Variants in MRTFA observed in about 807,000 individuals in gnomAD.
MRTFA encodes the protein myocardin related transcription factor A.
MRTFA carries 20 observed loss-of-function variants against 83.5 expected under a neutral mutation model. That is an observed-to-expected ratio of 0.24 (90% CI 0.17 to 0.35). MRTFA has a LOEUF of 0.35. MRTFA is among the 10% of genes least tolerant of loss of function. MRTFA has a pLI of 1.00. For synonymous variants in MRTFA, 659 were observed against 541.2 expected, an observed-to-expected ratio of 1.22 and a Z score of -3.02; for missense variants, 1,200 against 1,224.7, an observed-to-expected ratio of 0.98 and a Z score of 0.30.
chr22:40,482,145 C>T (rs1460004344), intron 3 of MRTFA, among the ~76,000 whole-genome samples: 1 of 151,900 alleles, frequency 6.6e-6, no homozygotes, highest in African/African-American at 2.4e-5. Context: ...ACTACGGTGA[C>T]TCATTTCATC....
intron 1 of MRTFA, among the ~76,000 whole-genome samples, chr22:40,596,842 G>T (rs1266007192): frequency 1.3e-5 from 2 of 151,812 alleles, no homozygotes; most frequent in Non-Finnish European, 2.9e-5. Flanking sequence ...CGGAGTGGTG[G>T]TACACACCTG....
chr22:40,585,473 A>T (rs1021789203), intron 2 of MRTFA, among the ~76,000 whole-genome samples: 1 of 152,176 alleles, frequency 6.6e-6, no homozygotes, highest in Non-Finnish European at 1.5e-5. Flanking sequence ...AGCTGAAAAG[A>T]GTTCTGGAGA....
chr22:40,444,989 C>T (rs2053348907), intron 4 of MRTFA, among the ~76,000 whole-genome samples: 1 of 152,160 alleles, frequency 6.6e-6, no homozygotes, highest in Non-Finnish European at 1.5e-5. Context: ...ATCGCCTGAG[C>T]TGGGGAGGTC....
chr22:40,437,782 G>A (rs899297376), intron 4 of MRTFA, among the ~76,000 whole-genome samples: 5 of 149,108 alleles, frequency 3.4e-5, no homozygotes, highest in African/African-American at 7.4e-5. Flanking sequence ...AAAAAAAGGC[G>A]GAATACTACA....
At chr22:40,495,925 G>A (rs1182852898) in intron 3 of MRTFA, among the ~76,000 whole-genome samples, 1 of 151,740 alleles carries the variant, frequency 6.6e-6, no homozygotes, top group African/African-American at 2.4e-5. Context: ...AGTTAGCCGG[G>A]TGTGGTGGCA....
At chr22:40,506,066 T>C (rs1186149130) in intron 3 of MRTFA, among the ~76,000 whole-genome samples, 1 of 152,034 alleles carries the variant, frequency 6.6e-6, no homozygotes, top group Non-Finnish European at 1.5e-5. Flanking sequence ...ACCCTGTCTC[T>C]ACTAAAAATA....
rs961359974 is a variant in MRTFA at position 40,423,805 on chromosome 22, A to G, written c.778-120T>C. On this transcript the variant is annotated intron_variant, in intron 8 of 14. Transcript: ENST00000355630. ...TTGTCAGAGGGCAAATGGTGGGCAGAGACCGGAGGAGGAGAAGAGCAACCC... is the reference window on the plus strand; with the variant it reads ...TTGTCAGAGGGCAAATGGTGGGCAGGGACCGGAGGAGGAGAAGAGCAACCC... The G allele has an allele frequency of 2.1e-5, 20 of 945,984 alleles. No homozygotes were observed. In the African/African-American group the frequency reaches 2.9e-4, roughly 14 times the overall value. 58.6% of individuals were successfully genotyped at this position (945,984 alleles called of 1,614,324 possible). A position where few individuals can be genotyped will look rare whatever the true frequency, so the allele number is the denominator to read the frequency against.
chr22:40,580,027 AGTG>A (rs1170255061), intron 2 of MRTFA, among the ~76,000 whole-genome samples: 1 of 152,212 alleles, frequency 6.6e-6, no homozygotes, highest in African/African-American at 2.4e-5. Context: ...AATATGGACA[AGTG>A]GTGATTTTAT....
At chr22:40,530,145 G>C (rs190473608) in intron 3 of MRTFA, among the ~76,000 whole-genome samples, 3 of 152,160 alleles carry the variant, frequency 2.0e-5, no homozygotes, top group African/African-American at 7.2e-5. Flanking sequence ...ATACACCTTA[G>C]GGCCTGTCTA....
chr22:40,591,276 C>CA (rs554015800), intron 2 of MRTFA, among the ~76,000 whole-genome samples: 1,544 of 83,142 alleles, frequency 0.019, 20 homozygotes, highest in African/African-American at 0.045. Context: ...GACTCCGTCT[C>CA]AAAAAAAAAA....
At chr22:40,613,517 T>G (rs919851406) in intron 1 of MRTFA, among the ~76,000 whole-genome samples, 20 of 152,328 alleles carry the variant, frequency 1.3e-4, no homozygotes, top group African/African-American at 4.1e-4. Context: ...TTTTTAAACT[T>G]TAGCCATTCT....
At chr22:40,615,691 T>C (rs923636779) in intron 1 of MRTFA, among the ~76,000 whole-genome samples, 2 of 151,636 alleles carry the variant, frequency 1.3e-5, no homozygotes, top group Non-Finnish European at 2.9e-5. Flanking sequence ...CTTTTCTTTT[T>C]TTTTTTTTTC....
At chr22:40,625,088 T>G (rs1364676093) in intron 1 of MRTFA, among the ~76,000 whole-genome samples, 1 of 152,210 alleles carries the variant, frequency 6.6e-6, no homozygotes, top group Non-Finnish European at 1.5e-5. Context: ...ATTATGTTCT[T>G]GGTTCCCTGT....
At chr22:40,633,910 G>C (rs917511569) in intron 1 of MRTFA, among the ~76,000 whole-genome samples, 1 of 152,100 alleles carries the variant, frequency 6.6e-6, no homozygotes, top group African/African-American at 2.4e-5. Context: ...TTAAGTCAGA[G>C]ATTCAAGTCC....
rs761413351 is a variant in MRTFA, at chr22:40,411,920, C to T, written c.2579-13G>A. 6.8e-7 allele frequency: 1 copy of T among 1,478,688 alleles called. No homozygotes were observed. Among genetic ancestry groups the T allele is most frequent in the Non-Finnish European group, 9.0e-7 (1 of 1,113,136 alleles). The allele number at this position is 1,478,688 out of a possible 1,614,324, so 91.6% of individuals were successfully genotyped here. A position where few individuals can be genotyped will look rare whatever the true frequency, so the allele number is the denominator to read the frequency against. ...TCTGCTGAAATTTCTGCCAATCAAT[C>T]AAGAGAGTAAATGGATATCAGAAGC... On this transcript the variant is annotated splice_polypyrimidine_tract_variant and intron_variant, in intron 14 of 14. Transcript: ENST00000355630.
At chr22:40,455,539 AG>A (rs2053568061) in intron 4 of MRTFA, among the ~76,000 whole-genome samples, 1 of 151,670 alleles carries the variant, frequency 6.6e-6, no homozygotes. Flanking sequence ...CCAGCTACTC[AG>A]GAGGCCGAGG....
intron 2 of MRTFA, among the ~76,000 whole-genome samples, chr22:40,568,004 A>G (rs2147339773): frequency 6.6e-6 from 1 of 152,352 alleles, no homozygotes; most frequent in African/African-American, 2.4e-5. Context: ...TTGCCATAAA[A>G]AAAGAACCTG....
chr22:40,414,072 C>T (rs1242358994), intron 14 of MRTFA, among the ~76,000 whole-genome samples: 3 of 152,144 alleles, frequency 2.0e-5, no homozygotes, highest in African/African-American at 4.8e-5. Flanking sequence ...GGTGCGTTGG[C>T]TCATGCGTGT....
chr22:40,502,154 G>A (rs1602347138), intron 3 of MRTFA, among the ~76,000 whole-genome samples: 9 of 142,086 alleles, frequency 6.3e-5, no homozygotes, highest in South Asian at 2.2e-4. Context: ...GGCCGGGCGG[G>A]GGGCTGACCC....
Sources: gnomAD v4.1 joint callset for allele counts (sites outside exome capture counted in the v4.1 genomes callset) on GRCh38, gnomAD v4.1.1 for gene constraint, MANE v1.5 for transcripts, NCBI Gene and HGNC (gene_info 2026-07-23, HGNC 2026-07-21) for gene names.